Variants in GPATCH2 observed in about 807,000 individuals in gnomAD.
The protein encoded by GPATCH2 is G-patch domain containing 2, also known as G patch domain-containing protein 2.
In GPATCH2, 51 loss-of-function variants were observed where a neutral mutation model predicts 58.0. The observed-to-expected ratio is 0.88, with a 90% CI of 0.70 to 1.11. The LOEUF (loss-of-function observed/expected upper bound fraction) is 1.11, where lower values mean the gene tolerates loss of function less well. Among genes scored for constraint, GPATCH2 ranks in the 50% most tolerant of loss-of-function variants. GPATCH2 has a pLI of 0.00. For missense variants in GPATCH2, 625 were observed against 652.2 expected, an observed-to-expected ratio of 0.96 and a Z score of 0.45; for synonymous variants, 222 against 218.5, an observed-to-expected ratio of 1.02 and a Z score of -0.14.
intron 5 of GPATCH2, among the ~76,000 whole-genome samples, chr1:217,518,504 AT>A (rs1390468238): frequency 2.0e-5 from 3 of 152,306 alleles, no homozygotes; most frequent in African/African-American, 7.2e-5. Flanking sequence ...TCTCATTTTC[AT>A]TTAATTGTGT....
Position 217,514,883 on chromosome 1 carries a change from TG to T in GPATCH2, c.1104del (p.Ile369PhefsTer38). The T allele has an allele frequency of 6.7e-7, 1 of 1,484,896 alleles. No individual in the cohort carries two copies. Among genetic ancestry groups the T allele is most frequent in the Non-Finnish European group, 9.4e-7 (1 of 1,062,336 alleles). 92.0% of individuals were successfully genotyped at this position (1,484,896 alleles called of 1,614,324 possible). A position where few individuals can be genotyped will look rare whatever the true frequency, so the allele number is the denominator to read the frequency against. On this transcript the variant is annotated frameshift_variant, in exon 6 of 10. Coordinates refer to ENST00000366935, the MANE Select transcript of GPATCH2 (RefSeq NM_018040.5). LOFTEE classifies it high-confidence loss of function. ...CTCTTGTTACCCACTGGGCCAGGAA[TG>T]GGTACCTACAGGGAGATTTAAAAAG... ...KSGGTPTSMV[P>X]IPGPVGNKRM... is the part of the protein sequence containing the mutation.
At chr1:217,431,457 T>A in intron 9 of GPATCH2, 92 bp from the exon 10 acceptor site, 1 of 802,650 alleles carries the variant, frequency 1.2e-6, no homozygotes, top group Non-Finnish European at 2.2e-6. Flanking sequence ...AGTTTTGTTT[T>A]GTTTTGTTTT....
chr1:217,489,418 T>C (rs369919039), intron 8 of GPATCH2, among the ~76,000 whole-genome samples: 2 of 152,346 alleles, frequency 1.3e-5, no homozygotes, highest in East Asian at 1.9e-4. Context: ...GAAGTAGACA[T>C]CTTAAACAAT....
At chr1:217,460,615 A>C (rs1430450144) in intron 8 of GPATCH2, among the ~76,000 whole-genome samples, 1 of 152,264 alleles carries the variant, frequency 6.6e-6, no homozygotes, top group Non-Finnish European at 1.5e-5. Flanking sequence ...ACTCAGTATA[A>C]CTGGAGTTGG....
rs180802801 is a variant in GPATCH2, at chr1:217,498,295, G to T, written c.1206+61C>A. On this transcript the variant is annotated intron_variant, in intron 7 of 9. Coordinates refer to ENST00000366935, the MANE Select transcript of GPATCH2 (RefSeq NM_018040.5). ...TAAAGCTGATCTACTCTCCTGAAGG[G>T]AGACAGTTAAATACTTGAAAGAGGC... 2.1e-3 allele frequency: 2,582 copies of T among 1,223,338 alleles called. 13 individuals are homozygous for T. Among genetic ancestry groups the T allele is most frequent in the Middle Eastern group, 0.015 (78 of 5,320 alleles). 75.8% of individuals were successfully genotyped at this position (1,223,338 alleles called of 1,614,324 possible).
At chr1:217,439,792 A>G (rs1426670344) in intron 9 of GPATCH2, among the ~76,000 whole-genome samples, 1 of 152,212 alleles carries the variant, frequency 6.6e-6, no homozygotes, top group Non-Finnish European at 1.5e-5. Flanking sequence ...CTGGACACAT[A>G]CACCCTCCCA....
At chr1:217,533,056 G>A (rs1438972301) in intron 5 of GPATCH2, among the ~76,000 whole-genome samples, 1 of 151,278 alleles carries the variant, frequency 6.6e-6, no homozygotes, top group East Asian at 2.0e-4. Context: ...ATAGCACCAT[G>A]CCCACCTGGC....
chr1:217,539,528 C>T (rs1664630676), intron 5 of GPATCH2, among the ~76,000 whole-genome samples: 1 of 152,162 alleles, frequency 6.6e-6, no homozygotes, highest in Non-Finnish European at 1.5e-5. Context: ...TTGGTCTCAG[C>T]ACTCCCAATC....
At chr1:217,535,925 A>G (rs148760022) in intron 5 of GPATCH2, among the ~76,000 whole-genome samples, 7 of 152,302 alleles carry the variant, frequency 4.6e-5, no homozygotes, top group African/African-American at 1.7e-4. Context: ...AACTTTGCCC[A>G]TCCCTTTTTC....
chr1:217,590,686 C>A (rs1190291121), intron 5 of GPATCH2, among the ~76,000 whole-genome samples: 1 of 152,192 alleles, frequency 6.6e-6, no homozygotes, highest in Non-Finnish European at 1.5e-5. Context: ...CATCCCCTAA[C>A]ACCAAGCTAC....
At chr1:217,492,092 C>CT (rs1558431041) in intron 7 of GPATCH2, among the ~76,000 whole-genome samples, 1 of 152,052 alleles carries the variant, frequency 6.6e-6, no homozygotes, top group South Asian at 2.1e-4. Flanking sequence ...GAACTCAGTT[C>CT]TTTTTTTGGT....
chr1:217,440,695 C>T (rs890668783), intron 9 of GPATCH2, among the ~76,000 whole-genome samples: 3 of 152,190 alleles, frequency 2.0e-5, no homozygotes, highest in African/African-American at 7.2e-5. Flanking sequence ...GCAAAAATCA[C>T]AAGCATTCCT....
rs148599661 is a variant in GPATCH2, at chr1:217,499,901, T to C, written c.1167-1506A>G. ...CAACTCTTTTAGTCTTTTCATTTTG[T>C]GTTTAATGCTATATTTCTAAAGAAT... On this transcript the variant is annotated intron_variant, in intron 6 of 9. Transcript: ENST00000366935. Among the ~76,000 whole-genome samples, 883 of 152,272 alleles carry C rather than the reference T, an allele frequency of 5.8e-3. 7 individuals carry two copies. The highest frequency in any genetic ancestry group is 0.02 in the African/African-American group (843 of 41,566).
rs200113195 is a variant in GPATCH2 at position 217,631,061 on chromosome 1, GC to G, written c.-91del. On this transcript the variant is annotated 5_prime_UTR_variant, in exon 1 of 10. An upstream start codon of the reference 5' UTR is lost. Coordinates refer to ENST00000366935, the MANE Select transcript of GPATCH2 (RefSeq NM_018040.5). ...CCGGCGACTTCCAAAGAGCAGTTCAGCATTTTGAGATGAGCTTCCGGAAGCC... is the reference window on the plus strand; with the variant it reads ...CCGGCGACTTCCAAAGAGCAGTTCAGATTTTGAGATGAGCTTCCGGAAGCC... The G allele has an allele frequency of 8.0e-4, 1,018 of 1,278,948 alleles. 7 individuals carry two copies. In the African/African-American group the frequency reaches 0.013, roughly 17 times the overall value. The allele number at this position is 1,278,948 out of a possible 1,614,324, so 79.2% of individuals were successfully genotyped here. A position where few individuals can be genotyped will look rare whatever the true frequency, so the allele number is the denominator to read the frequency against.
intron 5 of GPATCH2, among the ~76,000 whole-genome samples, chr1:217,558,215 C>T: frequency 6.6e-6 from 1 of 152,150 alleles, no homozygotes; most frequent in Middle Eastern, 3.2e-3. Context: ...CTAATGTCAC[C>T]TCATCTGTAC....
intron 5 of GPATCH2, among the ~76,000 whole-genome samples, chr1:217,597,817 G>C (rs904042097): frequency 1.3e-5 from 2 of 152,048 alleles, no homozygotes; most frequent in African/African-American, 4.8e-5. Context: ...AAGGCATATC[G>C]TTCTCTCTGC....
chr1:217,568,585 G>A (rs559903773), intron 5 of GPATCH2, among the ~76,000 whole-genome samples: 5 of 152,178 alleles, frequency 3.3e-5, no homozygotes, highest in African/African-American at 7.2e-5. Context: ...ATGCTTGCAC[G>A]CAATGGAACA....
At chr1:217,625,163 A>G (rs1669391114) in intron 1 of GPATCH2, among the ~76,000 whole-genome samples, 1 of 152,220 alleles carries the variant, frequency 6.6e-6, no homozygotes, top group Non-Finnish European at 1.5e-5. Context: ...TACCCAGTAA[A>G]TGAGTGAACT....
intron 9 of GPATCH2, among the ~76,000 whole-genome samples, chr1:217,440,925 A>G (rs1005204731): frequency 6.6e-6 from 1 of 152,198 alleles, no homozygotes; most frequent in African/African-American, 2.4e-5. Flanking sequence ...GAAAATGGCC[A>G]CGCTGCCCAA....
Sources: gnomAD v4.1 joint callset for allele counts (sites outside exome capture counted in the v4.1 genomes callset) on GRCh38, gnomAD v4.1.1 for gene constraint, MANE v1.5 for transcripts, NCBI Gene and HGNC (gene_info 2026-07-23, HGNC 2026-07-21) for gene names.